The following NFILZ variants were observed in gnomAD, a reference collection of about 807,000 sequenced individuals.
The protein encoded by NFILZ is NFIL3 like basic leucine zipper.
At chr19:8,642,325 C>T (rs1422602802) in intron 3 of NFILZ, among the ~76,000 whole-genome samples, 1 of 152,160 alleles carries the variant, frequency 6.6e-6, no homozygotes, top group Non-Finnish European at 1.5e-5. Context: ...ATGTCTTTGC[C>T]TGTGTGGTTA....
At chr19:8,652,618 A>C (rs575350992) in intron 3 of NFILZ, among the ~76,000 whole-genome samples, 1 of 152,346 alleles carries the variant, frequency 6.6e-6, no homozygotes, top group African/African-American at 2.4e-5. Flanking sequence ...CAGTCTTTAC[A>C]CCATTGATTT....
chr19:8,637,068 G>A (rs1402078953), intron 3 of NFILZ, among the ~76,000 whole-genome samples: 7 of 152,036 alleles, frequency 4.6e-5, no homozygotes, highest in Non-Finnish European at 8.8e-5. Flanking sequence ...TCCTTGCCTA[G>A]TTTTTAAAAA....
intron 3 of NFILZ, among the ~76,000 whole-genome samples, chr19:8,649,610 C>G (rs1407069386): frequency 3.3e-5 from 5 of 151,976 alleles, no homozygotes; most frequent in Non-Finnish European, 5.9e-5. Flanking sequence ...GAGCGCCTGT[C>G]TTGCCGGCTC....
chr19:8,673,464 C>G (rs1042119222), intron 3 of NFILZ, among the ~76,000 whole-genome samples: 1 of 152,158 alleles, frequency 6.6e-6, no homozygotes, highest in Non-Finnish European at 1.5e-5. Flanking sequence ...CTTCCCCAGC[C>G]CATGTGATGT....
chr19:8,653,034 TTCTTTCTCTCTCTCTCTCTCTC>T (rs2042975108), intron 3 of NFILZ, among the ~76,000 whole-genome samples: 2 of 57,412 alleles, frequency 3.5e-5, no homozygotes, highest in African/African-American at 1.3e-4. Flanking sequence ...CTTTCTTTCT[TTCTTTCTCTCTCTCTCTCTCTC>T]TCTCTCTCTC....
At chr19:8,656,310 G>GAAGCCCACCTCCTCCCACAGCC (rs1600147329) in intron 3 of NFILZ, among the ~76,000 whole-genome samples, 1 of 38,756 alleles carries the variant, frequency 2.6e-5, no homozygotes, top group Non-Finnish European at 6.3e-5. Context: ...CTCCCGCAGC[G>GAAGCCCACCTCCTCCCACAGCC]CACCTCCTCC....
chr19:8,662,646 T>A (rs1457479747), intron 3 of NFILZ, among the ~76,000 whole-genome samples: 1 of 151,464 alleles, frequency 6.6e-6, no homozygotes, highest in African/African-American at 2.4e-5. Flanking sequence ...CTTCCTTTTT[T>A]TTTTTTTTTG....
At chr19:8,671,919 C>T (rs1295580283) in intron 3 of NFILZ, among the ~76,000 whole-genome samples, 1 of 152,168 alleles carries the variant, frequency 6.6e-6, no homozygotes, top group Non-Finnish European at 1.5e-5. Context: ...TTGTCTGGGG[C>T]TCAGGTGAGC....
At chr19:8,646,053 G>GCA (rs1555747046) in intron 3 of NFILZ, among the ~76,000 whole-genome samples, 2 of 105,152 alleles carry the variant, frequency 1.9e-5, no homozygotes, top group African/African-American at 3.1e-5. Flanking sequence ...TTTTTTTTGG[G>GCA]GGGGATGGAC....
chr19:8,672,165 A>G (rs1455270214), intron 3 of NFILZ, among the ~76,000 whole-genome samples: 1 of 152,174 alleles, frequency 6.6e-6, no homozygotes, highest in African/African-American at 2.4e-5. Flanking sequence ...AAATCCATGC[A>G]TTTATTAGTT....
intron 4 of NFILZ, among the ~76,000 whole-genome samples, 126 bp downstream of exon 4, chr19:8,674,726 T>C (rs2043103398): frequency 6.6e-6 from 1 of 152,096 alleles, no homozygotes; most frequent in Admixed American, 6.6e-5. Flanking sequence ...GTCCTTGGAG[T>C]GTTGCTATTT....
chr19:8,672,236 T>A (rs9749469), intron 3 of NFILZ, among the ~76,000 whole-genome samples: 2 of 152,154 alleles, frequency 1.3e-5, no homozygotes, highest in African/African-American at 4.8e-5. Flanking sequence ...CATTTATTAG[T>A]TCATGCAAAA....
rs750679816 is a variant in NFILZ at position 8,679,237 on chromosome 19, C to G, written c.*1602C>G. On this transcript the variant is annotated 3_prime_UTR_variant, in exon 6 of 6. Transcript: ENST00000691075. ...GAGCCCAAGGACTTATCAAGGCTCC[C>G]TCCTCCTCAGTTTCTCACTCAGCCC... Among the ~76,000 whole-genome samples, 1 of 151,630 alleles carries G rather than the reference C, an allele frequency of 6.6e-6. No homozygotes were observed. Among genetic ancestry groups the G allele is most frequent in the African/African-American group, 2.4e-5 (1 of 41,182 alleles).
At position 8,680,962 on chromosome 19, in the gene NFILZ, G is replaced by A. The variant is rs138075922; in HGVS notation, c.*3327G>A. Among the ~76,000 whole-genome samples, 504 of 152,110 alleles carry A rather than the reference G, an allele frequency of 3.3e-3. 4 individuals are homozygous for A. The highest frequency in any genetic ancestry group is 6.8e-3 in the Middle Eastern group (2 of 294). On this transcript the variant is annotated 3_prime_UTR_variant, in exon 6 of 6. Transcript: ENST00000691075. ...TGAGTAAGGGGGAGAGAGGGAGGAG[G>A]CGAGGGCAGGGAGGTGATGGAAGCA...
intron 3 of NFILZ, among the ~76,000 whole-genome samples, chr19:8,651,351 G>A (rs1555747702): frequency 2.0e-5 from 3 of 151,898 alleles, no homozygotes; most frequent in Non-Finnish European, 4.4e-5. Flanking sequence ...TAGTAGAGAC[G>A]GGGCTTCACC....
intron 3 of NFILZ, among the ~76,000 whole-genome samples, chr19:8,661,199 G>A (rs56356957): frequency 0.063 from 8,618 of 136,490 alleles, 449 homozygotes; most frequent in African/African-American, 0.14. Context: ...CTTTTTCTCT[G>A]TCACCCAGGC....
At chr19:8,661,848 G>T (rs1362471020) in intron 3 of NFILZ, among the ~76,000 whole-genome samples, 1 of 152,124 alleles carries the variant, frequency 6.6e-6, no homozygotes, top group Admixed American at 6.6e-5. Flanking sequence ...TCGCGCCACT[G>T]TAATCCAGCC....
intron 1 of NFILZ, among the ~76,000 whole-genome samples, chr19:8,632,185 A>G (rs2042873266): frequency 6.7e-6 from 1 of 150,000 alleles, no homozygotes; most frequent in Admixed American, 6.7e-5. Context: ...GTGTTTTATT[A>G]CTGGGATGCT....
At chr19:8,672,590 A>G (rs200702409) in intron 3 of NFILZ, among the ~76,000 whole-genome samples, 2 of 151,342 alleles carry the variant, frequency 1.3e-5, no homozygotes, top group Non-Finnish European at 2.9e-5. Flanking sequence ...TCATGCATTT[A>G]TTAATTCAAA....
Sources: allele counts gnomAD v4.1 joint callset (sites outside exome capture counted in the v4.1 genomes callset), GRCh38; gene constraint gnomAD v4.1.1; transcripts MANE v1.5; gene names NCBI Gene and HGNC (gene_info 2026-07-23, HGNC 2026-07-21).